AQR: variants seen among roughly 807,000 people sequenced by gnomAD.
The protein encoded by AQR is aquarius intron-binding spliceosomal factor.
A neutral mutation model predicts 180.5 loss-of-function variants in AQR; 61 were observed. The ratio of observed to expected loss-of-function variants is 0.34; its 90% CI spans 0.28 to 0.42. AQR has a LOEUF of 0.42. Among genes scored for constraint, AQR ranks in the 10% least tolerant of loss-of-function variants. AQR has a pLI of 1.00. For missense variants in AQR, 1,281 were observed against 1,798.3 expected, an observed-to-expected ratio of 0.71 and a Z score of 5.20; for synonymous variants, 551 against 588.8, an observed-to-expected ratio of 0.94 and a Z score of 0.93.
chr15:34,918,162 G>T, intron 15 of AQR, 96 bp downstream of exon 15: 1 of 1,303,330 alleles, frequency 7.7e-7, no homozygotes, highest in Non-Finnish European at 1.1e-6. Flanking sequence ...CTAATGTACA[G>T]AGTAGACTCA....
intron 19 of AQR, among the ~76,000 whole-genome samples, chr15:34,902,871 T>C (rs1893353316): frequency 6.6e-6 from 1 of 152,122 alleles, no homozygotes; most frequent in African/African-American, 2.4e-5. Flanking sequence ...AAGGATACAC[T>C]GGCAGACAAA....
At chr15:34,924,394 C>T (rs1348225577) in intron 13 of AQR, among the ~76,000 whole-genome samples, 2 of 151,660 alleles carry the variant, frequency 1.3e-5, no homozygotes, top group Admixed American at 1.3e-4. Context: ...TTTTCATTAG[C>T]AATACATATG....
intron 20 of AQR, 44 bp from the exon 21 acceptor site, chr15:34,897,749 T>C (rs1158114534): frequency 7.5e-6 from 12 of 1,599,410 alleles, no homozygotes; most frequent in Non-Finnish European, 1.0e-5. Context: ...TTAACAAGGA[T>C]TTACTGAGTA....
intron 27 of AQR, among the ~76,000 whole-genome samples, chr15:34,879,255 T>C (rs570141999): frequency 1.3e-5 from 2 of 152,364 alleles, no homozygotes; most frequent in South Asian, 4.1e-4. Context: ...AACAACTTGC[T>C]GCAAAGCTGA....
At chr15:34,926,261 T>A (rs16960089) in intron 13 of AQR, among the ~76,000 whole-genome samples, 18,886 of 152,278 alleles carry the variant, frequency 0.12, 1,415 homozygotes, top group East Asian at 0.3. Context: ...AATGAATCTA[T>A]GTGTTATTAA....
intron 32 of AQR, among the ~76,000 whole-genome samples, chr15:34,866,662 T>C (rs1197193842): frequency 6.6e-6 from 1 of 152,166 alleles, no homozygotes; most frequent in African/African-American, 2.4e-5. Flanking sequence ...TGACAGTCCA[T>C]TCAGATGGCA....
chr15:34,896,435 G>A (rs898357995), intron 22 of AQR, among the ~76,000 whole-genome samples: 3 of 151,812 alleles, frequency 2.0e-5, no homozygotes, highest in Non-Finnish European at 4.4e-5. Flanking sequence ...ATCTCTAAAT[G>A]CATAAGAACC....
At chr15:34,863,400 C>T (rs1247356234) in intron 32 of AQR, among the ~76,000 whole-genome samples, 1 of 152,140 alleles carries the variant, frequency 6.6e-6, no homozygotes, top group African/African-American at 2.4e-5. Context: ...TTCCACTTCA[C>T]CTACCAAAAT....
chr15:34,953,140 C>G (rs186681187), intron 3 of AQR, among the ~76,000 whole-genome samples: 3 of 152,236 alleles, frequency 2.0e-5, no homozygotes, highest in Non-Finnish European at 4.4e-5. Context: ...AGAGTCATGC[C>G]TTCCTAAAAG....
intron 16 of AQR, among the ~76,000 whole-genome samples, chr15:34,914,015 T>C (rs1468230624): frequency 6.6e-6 from 1 of 152,206 alleles, no homozygotes; most frequent in Non-Finnish European, 1.5e-5. Flanking sequence ...AAATAGATCA[T>C]AATCACAGTG....
At chr15:34,954,136 C>T (rs541261840) in intron 3 of AQR, among the ~76,000 whole-genome samples, 5 of 152,180 alleles carry the variant, frequency 3.3e-5, no homozygotes, top group Non-Finnish European at 5.9e-5. Flanking sequence ...AGGTTGGTCT[C>T]GAACTCCTGA....
intron 19 of AQR, among the ~76,000 whole-genome samples, chr15:34,902,282 A>G (rs1252923365): frequency 6.6e-6 from 1 of 152,174 alleles, no homozygotes; most frequent in Non-Finnish European, 1.5e-5. Context: ...GTAGACAAAG[A>G]GGAGGCTACT....
chr15:34,950,084 C>CTTTTTTTTTTTTTTTTTTTTTTT, intron 4 of AQR, among the ~76,000 whole-genome samples: 1 of 74,058 alleles, frequency 1.4e-5, no homozygotes, highest in Non-Finnish European at 2.3e-5. Flanking sequence ...TGCTATTTTC[C>CTTTTTTTTTTTTTTTTTTTTTTT]TTTTTTTTTT....
At chr15:34,929,037 G>A (rs137949526) in intron 12 of AQR, among the ~76,000 whole-genome samples, 244 of 152,110 alleles carry the variant, frequency 1.6e-3, no homozygotes, top group African/African-American at 5.6e-3. Context: ...TTTTTGATGG[G>A]GTTGTTTTTT....
At chr15:34,916,544 A>C (rs1156404062) in intron 15 of AQR, among the ~76,000 whole-genome samples, 1 of 152,172 alleles carries the variant, frequency 6.6e-6, no homozygotes. Flanking sequence ...AATTTCTTTC[A>C]ATAGCACATT....
chr15:34,890,171 T>G (rs764068681), intron 24 of AQR, 44 bp downstream of exon 24: 3 of 1,499,724 alleles, frequency 2.0e-6, no homozygotes, highest in East Asian at 4.6e-5. Flanking sequence ...GAAAAGAAAA[T>G]AAAAAATCCT....
At chr15:34,893,533 G>A (rs1417739702) in intron 23 of AQR, 130 bp downstream of exon 23, 3 of 677,562 alleles carry the variant, frequency 4.4e-6, no homozygotes, top group Non-Finnish European at 7.4e-6. Context: ...ATTTCTTGAA[G>A]AGGAACTTAT....
At chr15:34,916,843 G>A (rs776757247) in intron 15 of AQR, among the ~76,000 whole-genome samples, 8 of 143,746 alleles carry the variant, frequency 5.6e-5, no homozygotes, top group Non-Finnish European at 1.0e-4. Flanking sequence ...ATAGACTACG[G>A]GAACTCTATG....
intron 3 of AQR, among the ~76,000 whole-genome samples, chr15:34,957,530 C>T (rs1199405675): frequency 6.6e-5 from 10 of 150,590 alleles, no homozygotes; most frequent in African/African-American, 2.4e-4. Context: ...GGAGAAACCC[C>T]GTCTCTACTA....
Sources: gnomAD v4.1 joint callset for allele counts (sites outside exome capture counted in the v4.1 genomes callset) on GRCh38, gnomAD v4.1.1 for gene constraint, MANE v1.5 for transcripts, NCBI Gene and HGNC (gene_info 2026-07-23, HGNC 2026-07-21) for gene names.